The following MAP3K13 variants were observed in gnomAD, a reference collection of about 807,000 sequenced individuals.
The protein encoded by MAP3K13 is mitogen-activated protein kinase kinase kinase 13.
Under a neutral mutation model 104.0 loss-of-function variants are expected in MAP3K13, and 52 were observed. The observed-to-expected ratio is 0.50, with a 90% CI of 0.40 to 0.63. The LOEUF is 0.63. Among genes scored for constraint, MAP3K13 ranks in the 20% least tolerant of loss-of-function variants. MAP3K13 has a pLI of 0.00. For missense variants in MAP3K13, 914 were observed against 1,218.5 expected (o/e 0.75, Z 3.72); for synonymous variants, 394 against 442.2 (o/e 0.89, Z 1.37).
intron 7 of MAP3K13, among the ~76,000 whole-genome samples, chr3:185,454,494 A>ACATATATATGAGATATATATGATATATAC (rs1716178866): frequency 9.8e-6 from 1 of 102,174 alleles, no homozygotes; most frequent in Non-Finnish European, 1.8e-5. Context: ...TGATATATAT[A>ACATATATATGAGATATATATGATATATAC]CATATATATG....
intron 2 of MAP3K13, among the ~76,000 whole-genome samples, chr3:185,343,526 C>CA (rs1706236979): frequency 6.6e-6 from 1 of 152,112 alleles, no homozygotes; most frequent in South Asian, 2.1e-4. Context: ...GATCTTGGGT[C>CA]ACTGCAACCT....
intron 1 of MAP3K13, among the ~76,000 whole-genome samples, chr3:185,390,873 G>A (rs1466604499): frequency 2.6e-5 from 4 of 151,992 alleles, no homozygotes; most frequent in Admixed American, 6.6e-5. Context: ...GGCCTGCCTC[G>A]GCCTCACAAA....
intron 12 of MAP3K13, among the ~76,000 whole-genome samples, chr3:185,478,862 ACT>A (rs746862597): frequency 1.3e-5 from 2 of 149,176 alleles, no homozygotes; most frequent in African/African-American, 2.5e-5. Flanking sequence ...ACAGAGTGAG[ACT>A]CTGTCTCAAA....
intron 11 of MAP3K13, among the ~76,000 whole-genome samples, chr3:185,474,496 G>A (rs971841137): frequency 3.3e-5 from 5 of 152,088 alleles, no homozygotes; most frequent in African/African-American, 9.7e-5. Flanking sequence ...AGATTCCTAG[G>A]GCACATTAAC....
At chr3:185,400,450 C>A (rs769039778) in intron 1 of MAP3K13, among the ~76,000 whole-genome samples, 3 of 152,224 alleles carry the variant, frequency 2.0e-5, no homozygotes, top group Non-Finnish European at 4.4e-5. Context: ...CTGTTTTGTT[C>A]ATCTTCGCAT....
At position 185,480,127 on chromosome 3, in the gene MAP3K13, G is replaced by T. The variant is rs1243275427; in HGVS notation, c.2502-105G>T. The T allele has an allele frequency of 2.2e-5, 24 of 1,105,196 alleles. No homozygotes were observed. In the East Asian group the frequency reaches 5.0e-4, roughly 23 times the overall value. The allele number at this position is 1,105,196 out of a possible 1,614,324, so 68.5% of individuals were successfully genotyped here. On this transcript the variant is annotated intron_variant, in intron 12 of 13. Transcript: ENST00000265026. ...CTTGATTTCTTAGGCCTCCTTGATG[G>T]CAGGGAAAAAACTAGATTATCTCTA...
chr3:185,411,322 C>G (rs532983813), intron 1 of MAP3K13, among the ~76,000 whole-genome samples: 1 of 152,132 alleles, frequency 6.6e-6, no homozygotes, highest in African/African-American at 2.4e-5. Flanking sequence ...TGTACAAAAC[C>G]TCACAGTTTA....
chr3:185,455,391 TCA>T (rs1560119403), intron 7 of MAP3K13, among the ~76,000 whole-genome samples: 1 of 27,880 alleles, frequency 3.6e-5, no homozygotes, highest in African/African-American at 1.1e-4. Context: ...GATATATATA[TCA>T]TATATGAGAT....
At chr3:185,394,628 C>T (rs1712271894) in intron 1 of MAP3K13, among the ~76,000 whole-genome samples, 1 of 152,176 alleles carries the variant, frequency 6.6e-6, no homozygotes, top group African/African-American at 2.4e-5. Flanking sequence ...AATGCTCAAT[C>T]ACTAGGATGG....
intron 4 of MAP3K13, among the ~76,000 whole-genome samples, chr3:185,445,432 T>C (rs763109120): frequency 5.3e-5 from 8 of 152,226 alleles, no homozygotes; most frequent in Non-Finnish European, 7.3e-5. Flanking sequence ...TGTGTAGTGT[T>C]CATTTCTTCC....
At chr3:185,391,920 G>GGGTGGGGGAGGTGAGCATGGGTA (rs1210355015) in intron 1 of MAP3K13, among the ~76,000 whole-genome samples, 1 of 152,116 alleles carries the variant, frequency 6.6e-6, no homozygotes, top group East Asian at 1.9e-4. Context: ...TTTGGGGTGC[G>GGGTGGGGGAGGTGAGCATGGGTA]GGTGGGGGAG....
chr3:185,291,006 A>G (rs1560035238), intron 2 of MAP3K13, among the ~76,000 whole-genome samples: 2 of 152,168 alleles, frequency 1.3e-5, no homozygotes, highest in Non-Finnish European at 2.9e-5. Flanking sequence ...GAGGGCTATA[A>G]CCTGTCTTTT....
intron 10 of MAP3K13, among the ~76,000 whole-genome samples, chr3:185,468,136 C>T (rs1717566341): frequency 6.6e-6 from 1 of 152,098 alleles, no homozygotes; most frequent in East Asian, 1.9e-4. Flanking sequence ...GGCCCCACCT[C>T]CAACAGTAGG....
At chr3:185,334,538 G>T (rs1426740680) in intron 2 of MAP3K13, among the ~76,000 whole-genome samples, 1 of 152,004 alleles carries the variant, frequency 6.6e-6, no homozygotes. Context: ...TTTTGATCAG[G>T]TGGTGAGTCA....
chr3:185,464,799 T>A (rs1717314847), intron 8 of MAP3K13, among the ~76,000 whole-genome samples: 1 of 152,134 alleles, frequency 6.6e-6, no homozygotes, highest in African/African-American at 2.4e-5. Flanking sequence ...AGCTGAGAAG[T>A]CCATAATCAA....
chr3:185,418,390 G>A lies in MAP3K13; in HGVS notation c.-85-10107G>A. 1 of 1,604,960 alleles carries A rather than the reference G, an allele frequency of 6.2e-7. No individual in the cohort carries two copies. Among genetic ancestry groups the A allele is most frequent in the East Asian group, 2.2e-5 (1 of 44,856 alleles). On this transcript the variant is annotated intron_variant, in intron 1 of 13. Coordinates refer to ENST00000265026, the MANE Select transcript of MAP3K13 (RefSeq NM_004721.5). The surrounding 1 kb of genome is among the most constrained non-coding windows in gnomAD (Gnocchi z 4.5). ...CATGACCAGTGCTGGTAGGGCTGAG[G>A]CAGCCAGGGCAGAACAGATGGCATA...
At chr3:185,358,909 G>GT (rs1723487248), upstream of MAP3K13, among the ~76,000 whole-genome samples, 5 of 152,234 alleles carry the variant, frequency 3.3e-5, no homozygotes, top group Admixed American at 2.6e-4. Flanking sequence ...CTACCTGAAG[G>GT]TTCCCCTGAT....
At chr3:185,448,188 T>C in intron 5 of MAP3K13, 1 of 595,038 alleles carries the variant, frequency 1.7e-6, no homozygotes, top group South Asian at 1.8e-5. Context: ...CCTCAGAGAA[T>C]ATGCTGAACT....
intron 8 of MAP3K13, among the ~76,000 whole-genome samples, chr3:185,464,917 T>C (rs987284666): frequency 6.6e-6 from 1 of 152,156 alleles, no homozygotes; most frequent in Non-Finnish European, 1.5e-5. Flanking sequence ...GTCTTTTTTA[T>C]AAGGGGACTC....
Sources: gnomAD v4.1 joint callset for allele counts (sites outside exome capture counted in the v4.1 genomes callset) on GRCh38, gnomAD v4.1.1 for gene constraint, Gnocchi (gnomAD v3.1) non-coding constraint, MANE v1.5 for transcripts, NCBI Gene and HGNC (gene_info 2026-07-23, HGNC 2026-07-21) for gene names.